The following XRCC4 variants were observed in gnomAD, a reference collection of about 807,000 sequenced individuals.
The protein encoded by XRCC4 is X-ray repair cross complementing 4.
Under a neutral mutation model 39.1 loss-of-function variants are expected in XRCC4, and 28 were observed. The observed-to-expected ratio is 0.72, with a 90% CI of 0.53 to 0.98. The LOEUF (loss-of-function observed/expected upper bound fraction) is 0.98, where lower values mean the gene tolerates loss of function less well. Ranked by LOEUF, XRCC4 falls within the 50% of genes least tolerant of loss-of-function variation. The pLI, the probability that XRCC4 is intolerant of heterozygous loss-of-function variation, is 0.00. For synonymous variants in XRCC4, 123 were observed against 126.4 expected, an observed-to-expected ratio of 0.97 and a Z score of 0.18; for missense variants, 350 against 376.4, an observed-to-expected ratio of 0.93 and a Z score of 0.58.
intron 7 of XRCC4, among the ~76,000 whole-genome samples, chr5:83,339,626 TA>T (rs556584844): frequency 3.9e-4 from 57 of 144,588 alleles, no homozygotes; most frequent in African/African-American, 7.3e-4. Context: ...TAAAGTATAA[TA>T]AAAAAAAAAA....
intron 5 of XRCC4, among the ~76,000 whole-genome samples, chr5:83,204,318 T>C (rs563384999): frequency 2.6e-5 from 4 of 152,236 alleles, no homozygotes; most frequent in African/African-American, 9.6e-5. Flanking sequence ...ACCAGTGACG[T>C]AGTATAAAAA....
intron 3 of XRCC4, among the ~76,000 whole-genome samples, chr5:83,167,150 C>A (rs1000248682): frequency 6.6e-6 from 1 of 151,814 alleles, no homozygotes; most frequent in Admixed American, 6.6e-5. Flanking sequence ...CCAAAGTGCT[C>A]GGATTACAGG....
intron 4 of XRCC4, among the ~76,000 whole-genome samples, chr5:83,202,969 A>T (rs1751270669): frequency 6.6e-6 from 1 of 152,116 alleles, no homozygotes; most frequent in African/African-American, 2.4e-5. Context: ...CTGTTTTATT[A>T]ATCTCTCCTT....
At chr5:83,154,650 A>G (rs1201113556) in intron 3 of XRCC4, among the ~76,000 whole-genome samples, 1 of 151,988 alleles carries the variant, frequency 6.6e-6, no homozygotes, top group Non-Finnish European at 1.5e-5. Flanking sequence ...CTTTGTCTTT[A>G]GTTATATTAT....
At chr5:83,129,549 C>G (rs1747454916) in intron 3 of XRCC4, among the ~76,000 whole-genome samples, 1 of 151,954 alleles carries the variant, frequency 6.6e-6, no homozygotes, top group Non-Finnish European at 1.5e-5. Flanking sequence ...GGCATTGAAT[C>G]TATAAATTAC....
intron 3 of XRCC4, among the ~76,000 whole-genome samples, chr5:83,154,106 T>C (rs1580301141): frequency 6.6e-6 from 1 of 152,190 alleles, no homozygotes; most frequent in Non-Finnish European, 1.5e-5. Flanking sequence ...TGAATACATA[T>C]GAATTGGCCT....
intron 7 of XRCC4, among the ~76,000 whole-genome samples, chr5:83,300,975 TATCATTGATGGGCATTTG>T (rs1232530235): frequency 1.3e-5 from 2 of 152,226 alleles, no homozygotes; most frequent in African/African-American, 4.8e-5. Flanking sequence ...TTATCCAGTC[TATCATTGATGGGCATTTG>T]GGTTGGTTCC....
At chr5:83,122,957 C>T (rs558785274) in intron 3 of XRCC4, among the ~76,000 whole-genome samples, 1 of 152,026 alleles carries the variant, frequency 6.6e-6, no homozygotes, top group Admixed American at 6.6e-5. Context: ...CTGAATGTAA[C>T]CGTTGTTCAA....
At chr5:83,122,265 T>G (rs1014744052) in intron 3 of XRCC4, among the ~76,000 whole-genome samples, 4 of 152,202 alleles carry the variant, frequency 2.6e-5, no homozygotes, top group African/African-American at 4.8e-5. Context: ...AATTGACATC[T>G]TAACCATATT....
chr5:83,290,572 G>C (rs1450856126), intron 7 of XRCC4, among the ~76,000 whole-genome samples: 1 of 151,592 alleles, frequency 6.6e-6, no homozygotes, highest in Non-Finnish European at 1.5e-5. Context: ...ACCTGGTGTT[G>C]CTTGTCTGAA....
chr5:83,226,336 G>C (rs570030614), intron 6 of XRCC4, among the ~76,000 whole-genome samples: 4 of 152,016 alleles, frequency 2.6e-5, no homozygotes. Flanking sequence ...GTAGACCCTC[G>C]AGTTGTGTTT....
chr5:83,113,196 A>G lies in XRCC4; in HGVS notation c.315+1993A>G, dbSNP rs573764628. On this transcript the variant is annotated intron_variant, in intron 3 of 7. Coordinates refer to ENST00000396027, the MANE Select transcript of XRCC4 (RefSeq NM_003401.5). ...AGAAATTGGCCAAAACAAAGAGGCT[A>G]CAGGCGCCATGCAAGTTCGAAATCC... 3.3e-5 allele frequency among the ~76,000 whole-genome samples: 5 copies of G among 152,356 alleles called. No individual in the cohort carries two copies. In the South Asian group the frequency reaches 1.0e-3, roughly 32 times the overall value.
chr5:83,137,105 G>T (rs1224363304), intron 3 of XRCC4, among the ~76,000 whole-genome samples: 1 of 152,062 alleles, frequency 6.6e-6, no homozygotes, highest in Admixed American at 6.5e-5. Flanking sequence ...CCATCCAAAA[G>T]TTATAAACAA....
chr5:83,324,187 G>A (rs190318577), intron 7 of XRCC4, among the ~76,000 whole-genome samples: 7 of 152,148 alleles, frequency 4.6e-5, no homozygotes, highest in African/African-American at 1.7e-4. Context: ...TTCCTATTAA[G>A]CCGCAGAAAA....
chr5:83,100,748 A>G (rs555853283), intron 1 of XRCC4, among the ~76,000 whole-genome samples: 1 of 152,058 alleles, frequency 6.6e-6, no homozygotes, highest in South Asian at 2.1e-4. Flanking sequence ...TTTTGAGCCA[A>G]TTAGAATTAT....
intron 3 of XRCC4, among the ~76,000 whole-genome samples, chr5:83,132,581 T>A (rs555790122): frequency 2.6e-5 from 4 of 152,118 alleles, no homozygotes; most frequent in Non-Finnish European, 4.4e-5. Flanking sequence ...TGTTCATTTC[T>A]TTTTACTCTT....
At chr5:83,343,115 G>A (rs146610102) in intron 7 of XRCC4, among the ~76,000 whole-genome samples, 21 of 151,268 alleles carry the variant, frequency 1.4e-4, no homozygotes, top group African/African-American at 5.1e-4. Context: ...CCAGTGCTTA[G>A]GATGGATTCT....
At chr5:83,134,258 G>A (rs1747767199) in intron 3 of XRCC4, among the ~76,000 whole-genome samples, 1 of 152,100 alleles carries the variant, frequency 6.6e-6, no homozygotes. Flanking sequence ...CCAGTGAGAG[G>A]TGAAGCTGGC....
intron 7 of XRCC4, among the ~76,000 whole-genome samples, chr5:83,314,307 C>T (rs923312594): frequency 6.6e-6 from 1 of 151,898 alleles, no homozygotes; most frequent in African/African-American, 2.4e-5. Context: ...TAATTGTTGC[C>T]TAGTTAAAGA....
Sources: gnomAD v4.1 joint callset for allele counts (sites outside exome capture counted in the v4.1 genomes callset) on GRCh38, gnomAD v4.1.1 for gene constraint, MANE v1.5 for transcripts, NCBI Gene and HGNC (gene_info 2026-07-23, HGNC 2026-07-21) for gene names.